CNTN4: variants seen among roughly 807,000 people sequenced by gnomAD.
CNTN4 encodes contactin-4.
CNTN4 carries 77 observed loss-of-function variants against 122.5 expected under a neutral mutation model. The observed-to-expected ratio is 0.63, with a 90% confidence interval of 0.52 to 0.76. The LOEUF is 0.76. Among genes scored for constraint, CNTN4 ranks in the 30% least tolerant of loss-of-function variants. The pLI, the probability that CNTN4 is intolerant of heterozygous loss-of-function variation, is 0.00. For missense variants in CNTN4, 1,256 were observed against 1,259.1 expected (o/e 1.00, Z 0.04); for synonymous variants, 512 against 447.0 (o/e 1.15, Z -1.83).
At chr3:2,671,723 G>C (rs2084525876) in intron 4 of CNTN4, among the ~76,000 whole-genome samples, 1 of 152,136 alleles carries the variant, frequency 6.6e-6, no homozygotes, top group African/African-American at 2.4e-5. Flanking sequence ...TGTGGGGAAA[G>C]GTCTACCTTT....
At chr3:2,944,436 A>T (rs1419084293) in intron 13 of CNTN4, among the ~76,000 whole-genome samples, 2 of 152,148 alleles carry the variant, frequency 1.3e-5, no homozygotes, top group Non-Finnish European at 2.9e-5. Context: ...TCTTTCTGAT[A>T]ATCATGAAAA....
intron 3 of CNTN4, among the ~76,000 whole-genome samples, chr3:2,471,720 T>G (rs1282199932): frequency 6.6e-6 from 1 of 152,124 alleles, no homozygotes; most frequent in Non-Finnish European, 1.5e-5. Context: ...AACGGGAAAT[T>G]AAAAAAGCTC....
chr3:2,870,631 C>T (rs2093773885), intron 8 of CNTN4, among the ~76,000 whole-genome samples: 1 of 152,078 alleles, frequency 6.6e-6, no homozygotes, highest in South Asian at 2.1e-4. Flanking sequence ...AGAATTTGTA[C>T]AATCATTTTG....
intron 14 of CNTN4, among the ~76,000 whole-genome samples, chr3:3,017,556 AC>A (rs1435590549): frequency 1.3e-5 from 2 of 152,148 alleles, no homozygotes; most frequent in Non-Finnish European, 2.9e-5. Context: ...AAAAAATTCT[AC>A]CCAGATTTGA....
rs749408419 is a variant in CNTN4, at chr3:3,026,122, C to T, written c.1507C>T (p.Pro503Ser). The T allele has an allele frequency of 6.2e-7, 1 of 1,613,118 alleles. No individual in the cohort carries two copies. The highest frequency in any genetic ancestry group is 1.3e-5 in the African/African-American group (1 of 74,844). Residue 503 changes from proline (P) to serine (S), a missense_variant, in exon 15 of 25, where the codon CCC (proline) becomes TCC (serine). By Grantham distance (74) the Pro-to-Ser change is moderately conservative. Coordinates refer to ENST00000418658, the MANE Select transcript of CNTN4 (RefSeq NM_175607.3). ...TCCAGATCCAACAAGGGTAATGGTA[C>T]CCCCTTCCAGTATGGATGTCACTGT... Reference protein sequence around the residue: ...VVKDPTRVMVPPSSMDVTVGE... With the variant: ...VVKDPTRVMVSPSSMDVTVGE...
chr3:2,756,922 G>A (rs1045090023), intron 6 of CNTN4, among the ~76,000 whole-genome samples: 1 of 152,110 alleles, frequency 6.6e-6, no homozygotes, highest in Non-Finnish European at 1.5e-5. Flanking sequence ...CATTCAATCT[G>A]TGGTAACTTG....
At chr3:2,676,371 A>T (rs1232022688) in intron 4 of CNTN4, among the ~76,000 whole-genome samples, 3 of 152,080 alleles carry the variant, frequency 2.0e-5, no homozygotes, top group Non-Finnish European at 4.4e-5. Flanking sequence ...ACAGGTGTGC[A>T]CCACCAGGCC....
intron 3 of CNTN4, among the ~76,000 whole-genome samples, chr3:2,380,757 C>T (rs2045988612): frequency 1.3e-5 from 2 of 150,800 alleles, no homozygotes; most frequent in East Asian, 2.0e-4. Flanking sequence ...AACTTATTCT[C>T]TCTAGAGTTT....
chr3:2,587,007 A>G (rs931588022), intron 4 of CNTN4, among the ~76,000 whole-genome samples: 1 of 152,086 alleles, frequency 6.6e-6, no homozygotes, highest in Non-Finnish European at 1.5e-5. Flanking sequence ...AGCTAATGAA[A>G]TTTTCTTCAA....
chr3:2,214,734 G>C (rs1393466029), intron 2 of CNTN4, among the ~76,000 whole-genome samples: 5 of 152,030 alleles, frequency 3.3e-5, no homozygotes, highest in African/African-American at 1.2e-4. Flanking sequence ...CCTTAGGTAG[G>C]ATAGCATATC....
chr3:2,390,408 T>C (rs1452651821), intron 3 of CNTN4, among the ~76,000 whole-genome samples: 1 of 152,154 alleles, frequency 6.6e-6, no homozygotes, highest in Admixed American at 6.6e-5. Flanking sequence ...TTAAAGTTTC[T>C]ATCCATTAAT....
intron 4 of CNTN4, among the ~76,000 whole-genome samples, chr3:2,591,650 CACCG>C: frequency 1.9e-5 from 1 of 51,652 alleles, no homozygotes; most frequent in African/African-American, 6.5e-5. Context: ...AGGCGTGAGC[CACCG>C]CGCCCGGCCG....
chr3:2,243,970 T>C (rs1189205626), intron 2 of CNTN4, among the ~76,000 whole-genome samples: 1 of 152,048 alleles, frequency 6.6e-6, no homozygotes, highest in Non-Finnish European at 1.5e-5. Context: ...CTGCACTTAA[T>C]ATGTTATTCA....
chr3:2,546,721 A>G (rs547794823), intron 3 of CNTN4, among the ~76,000 whole-genome samples: 1 of 152,262 alleles, frequency 6.6e-6, no homozygotes, highest in East Asian at 1.9e-4. Context: ...TCAATTAAGT[A>G]CAGATATTGA....
intron 4 of CNTN4, among the ~76,000 whole-genome samples, chr3:2,601,224 T>G (rs894884064): frequency 6.6e-6 from 1 of 152,220 alleles, no homozygotes; most frequent in African/African-American, 2.4e-5. Context: ...CATTTGTCTA[T>G]TTTGGCTTTT....
intron 6 of CNTN4, among the ~76,000 whole-genome samples, chr3:2,786,607 C>T (rs1246132628): frequency 6.6e-6 from 1 of 152,212 alleles, no homozygotes; most frequent in Non-Finnish European, 1.5e-5. Flanking sequence ...CCACCATCTC[C>T]TGATTACCTG....
chr3:2,442,491 C>T (rs1477392503), intron 3 of CNTN4, among the ~76,000 whole-genome samples: 3 of 151,910 alleles, frequency 2.0e-5, no homozygotes, highest in African/African-American at 7.3e-5. Flanking sequence ...TTAATAGAAT[C>T]AGAACTGCAA....
chr3:2,102,392 C>A (rs776263833), intron 2 of CNTN4, among the ~76,000 whole-genome samples: 2 of 152,170 alleles, frequency 1.3e-5, no homozygotes, highest in Non-Finnish European at 2.9e-5. Context: ...CACGGCATCA[C>A]GATAGGGATT....
At chr3:2,721,445 G>A (rs547318405) in intron 4 of CNTN4, among the ~76,000 whole-genome samples, 2 of 152,084 alleles carry the variant, frequency 1.3e-5, no homozygotes, top group Non-Finnish European at 1.5e-5. Context: ...GTGTGGGTTG[G>A]GGAACTCTGC....
Sources: gnomAD v4.1 joint callset for allele counts (sites outside exome capture counted in the v4.1 genomes callset) on GRCh38, gnomAD v4.1.1 for gene constraint, MANE v1.5 for transcripts, NCBI Gene and HGNC (gene_info 2026-07-23, HGNC 2026-07-21) for gene names.